SMAD3: variants seen among roughly 807,000 people sequenced by gnomAD.
The protein encoded by SMAD3 is SMAD family member 3, also known as MAD homolog 3.
In SMAD3, 12 loss-of-function variants were observed where a neutral mutation model predicts 51.8. The observed-to-expected ratio is 0.23, with a 90% CI of 0.15 to 0.38. SMAD3 has a LOEUF of 0.38. SMAD3 is among the 10% of genes least tolerant of loss of function. The pLI is 1.00. For synonymous variants in SMAD3, 238 were observed against 227.7 expected (o/e 1.05, Z -0.41); for missense variants, 294 against 565.6 (o/e 0.52, Z 4.87).
intron 4 of SMAD3, among the ~76,000 whole-genome samples, chr15:67,169,539 A>G (rs545012222): frequency 9.9e-5 from 15 of 152,106 alleles, no homozygotes; most frequent in African/African-American, 3.6e-4. Flanking sequence ...GCTGGTGTGC[A>G]GTGGTGCAAA....
chr15:67,173,223 G>A (rs1277169019), intron 5 of SMAD3, among the ~76,000 whole-genome samples: 4 of 152,108 alleles, frequency 2.6e-5, no homozygotes, highest in Non-Finnish European at 4.4e-5. Context: ...GGGGGCCAGA[G>A]CTGGGAGAGC....
chr15:67,118,947 A>G (rs1355706526), intron 1 of SMAD3, among the ~76,000 whole-genome samples: 7 of 152,216 alleles, frequency 4.6e-5, no homozygotes, highest in Admixed American at 4.6e-4. Context: ...GTGTGTACCA[A>G]CAAACATTTA....
At chr15:67,083,937 G>A (rs1960329532) in intron 1 of SMAD3, among the ~76,000 whole-genome samples, 1 of 152,118 alleles carries the variant, frequency 6.6e-6, no homozygotes, top group Non-Finnish European at 1.5e-5. Flanking sequence ...TCTTGCTGGT[G>A]GAGATGGGCT....
chr15:67,114,026 C>T (rs1961082054), intron 1 of SMAD3, among the ~76,000 whole-genome samples: 1 of 152,182 alleles, frequency 6.6e-6, no homozygotes, highest in Non-Finnish European at 1.5e-5. Context: ...AGGGGCTGCC[C>T]TCCTGGATGC....
intron 1 of SMAD3, among the ~76,000 whole-genome samples, chr15:67,101,798 C>T (rs1960763886): frequency 6.6e-6 from 1 of 152,188 alleles, no homozygotes; most frequent in South Asian, 2.1e-4. Context: ...TCTGGCCTCT[C>T]CTATCTTATG....
intron 1 of SMAD3, chr15:67,142,788 G>A: frequency 2.3e-6 from 1 of 437,434 alleles, no homozygotes; most frequent in South Asian, 1.6e-5. Flanking sequence ...AAGAGCTTGT[G>A]AAATAGGCTT....
In SMAD3 at chr15:67,192,953, C is replaced by T. The variant is rs1249106432; in HGVS notation, c.*2417C>T. 4.3e-6 allele frequency: 1 copy of T among 233,000 alleles called. No individual in the cohort carries two copies. Among genetic ancestry groups the T allele is most frequent in the African/African-American group, 2.2e-5 (1 of 45,268 alleles). 14.4% of individuals were successfully genotyped at this position (233,000 alleles called of 1,614,324 possible). On this transcript the variant is annotated 3_prime_UTR_variant, in exon 9 of 9. Coordinates refer to ENST00000327367, the MANE Select transcript of SMAD3 (RefSeq NM_005902.4). ...TGGCCCTTTTTCTTTATTGACTAGA[C>T]CACCAGAGGAGGATGTGTGGGATTG...
At chr15:67,066,657 C>T (rs1371127622) in intron 1 of SMAD3, among the ~76,000 whole-genome samples, 1 of 152,198 alleles carries the variant, frequency 6.6e-6, no homozygotes, top group Non-Finnish European at 1.5e-5. Flanking sequence ...CTGCGGGACT[C>T]GGCCGCCCCC....
At chr15:67,086,492 C>T (rs1226367617) in intron 1 of SMAD3, among the ~76,000 whole-genome samples, 1 of 152,082 alleles carries the variant, frequency 6.6e-6, no homozygotes, top group Non-Finnish European at 1.5e-5. Flanking sequence ...AAGGGATGGG[C>T]TTGTGGATCC....
intron 6 of SMAD3, among the ~76,000 whole-genome samples, chr15:67,183,000 AATATAT>A (rs1555413788): frequency 2.3e-5 from 1 of 43,644 alleles, no homozygotes; most frequent in Non-Finnish European, 3.6e-5. Flanking sequence ...AAAAAAAAAA[AATATAT>A]ATATATATAT....
At chr15:67,143,575 C>T (rs1002012797) in intron 1 of SMAD3, among the ~76,000 whole-genome samples, 2 of 152,200 alleles carry the variant, frequency 1.3e-5, no homozygotes, top group African/African-American at 4.8e-5. Flanking sequence ...GCTGGGACTA[C>T]AGGCATACAC....
Position 67,184,654 on chromosome 15 carries a change from G to A in SMAD3, c.872-73G>A, listed in dbSNP as rs562504532. The A allele has an allele frequency of 2.3e-5, 36 of 1,581,082 alleles. No individual in the cohort carries two copies. In the African/African-American group the frequency reaches 3.2e-4, roughly 14 times the overall value. ...AGCTCTGCTGTTCTGCCTCCTTTGCGAGCCTCAGGTGGCCCCAGGGCCATT... is the reference window on the plus strand; with the variant it reads ...AGCTCTGCTGTTCTGCCTCCTTTGCAAGCCTCAGGTGGCCCCAGGGCCATT... On this transcript the variant is annotated intron_variant, in intron 6 of 8. Transcript: ENST00000327367.
chr15:67,163,725 C>T (rs1325896348), intron 1 of SMAD3, among the ~76,000 whole-genome samples: 2 of 152,134 alleles, frequency 1.3e-5, no homozygotes, highest in Non-Finnish European at 2.9e-5. Context: ...GGCACCGGGT[C>T]ATAGCTGCTT....
chr15:67,123,229 C>T (rs1427785611), intron 1 of SMAD3, among the ~76,000 whole-genome samples: 1 of 150,738 alleles, frequency 6.6e-6, no homozygotes, highest in African/African-American at 2.4e-5. Context: ...GGCGCAGTGG[C>T]TCACACCTGT....
At chr15:67,091,418 A>G (rs997114032) in intron 1 of SMAD3, among the ~76,000 whole-genome samples, 1 of 152,212 alleles carries the variant, frequency 6.6e-6, no homozygotes, top group Non-Finnish European at 1.5e-5. Flanking sequence ...GTGATACATG[A>G]TGTGACCTCT....
chr15:67,079,019 C>T (rs564504248), intron 1 of SMAD3, among the ~76,000 whole-genome samples: 19 of 151,384 alleles, frequency 1.3e-4, no homozygotes, highest in African/African-American at 4.4e-4. Flanking sequence ...GCTCTTGTTG[C>T]CCAGGCTGGA....
At chr15:67,084,921 G>C (rs975929844) in intron 1 of SMAD3, among the ~76,000 whole-genome samples, 8 of 152,178 alleles carry the variant, frequency 5.3e-5, no homozygotes, top group Non-Finnish European at 1.0e-4. Flanking sequence ...TCTACTGCTG[G>C]CTTCAGTCCC....
At chr15:67,094,445 T>C (rs1174211802) in intron 1 of SMAD3, among the ~76,000 whole-genome samples, 2 of 152,166 alleles carry the variant, frequency 1.3e-5, no homozygotes, top group African/African-American at 4.8e-5. Context: ...CGAGACAATC[T>C]TATTCAAACT....
intron 1 of SMAD3, among the ~76,000 whole-genome samples, chr15:67,076,385 C>T (rs942647426): frequency 2.0e-5 from 3 of 152,178 alleles, no homozygotes; most frequent in Non-Finnish European, 2.9e-5. Flanking sequence ...CAGTGACTCA[C>T]GCGCCTGTCA....
Sources: allele counts gnomAD v4.1 joint callset (sites outside exome capture counted in the v4.1 genomes callset), GRCh38; gene constraint gnomAD v4.1.1; transcripts MANE v1.5; gene names NCBI Gene and HGNC (gene_info 2026-07-23, HGNC 2026-07-21).